Variants in DPP6 observed in about 807,000 individuals in gnomAD.
The protein encoded by DPP6 is dipeptidyl peptidase like 6.
Under a neutral mutation model 122.6 loss-of-function variants are expected in DPP6, and 69 were observed. The ratio of observed to expected loss-of-function variants is 0.56; its 90% CI spans 0.46 to 0.69. DPP6 has a LOEUF of 0.69. Among genes scored for constraint, DPP6 ranks in the 30% least tolerant of loss-of-function variants. The pLI is 0.00. For missense variants in DPP6, 928 were observed against 1,116.9 expected (o/e 0.83, Z 2.41); for synonymous variants, 418 against 433.1 (o/e 0.97, Z 0.43).
At chr7:153,802,514 T>G in the DPP6 span, among the ~76,000 whole-genome samples, 1 of 152,086 alleles carries the variant, frequency 6.6e-6, no homozygotes, top group South Asian at 2.1e-4. Flanking sequence ...ATTGGCTGAT[T>G]TCTGAAATGA....
intron 8 of DPP6, among the ~76,000 whole-genome samples, chr7:154,763,692 A>G (rs181881532): frequency 1.4e-4 from 22 of 152,072 alleles, no homozygotes; most frequent in African/African-American, 5.1e-4. Flanking sequence ...TGTGAGAAGA[A>G]CTCTTAGAGA....
intron 8 of DPP6, among the ~76,000 whole-genome samples, chr7:154,765,503 A>G (rs1416841088): frequency 6.6e-6 from 1 of 152,228 alleles, no homozygotes; most frequent in Non-Finnish European, 1.5e-5. Context: ...TACCTTGAGC[A>G]CAAAGGGATT....
At chr7:154,261,050 C>T (rs2150914193) in intron 1 of DPP6, among the ~76,000 whole-genome samples, 1 of 152,146 alleles carries the variant, frequency 6.6e-6, no homozygotes, top group Non-Finnish European at 1.5e-5. Context: ...CACATGCCAC[C>T]ACGCCTGGGT....
At chr7:154,166,004 T>C (rs1707762369) in intron 1 of DPP6, among the ~76,000 whole-genome samples, 2 of 152,234 alleles carry the variant, frequency 1.3e-5, no homozygotes, top group African/African-American at 4.8e-5. Flanking sequence ...CTCCTGCCTT[T>C]TTTTGGTCAA....
At chr7:154,570,471 G>C (rs186844232) in intron 5 of DPP6, among the ~76,000 whole-genome samples, 1 of 151,804 alleles carries the variant, frequency 6.6e-6, no homozygotes, top group African/African-American at 2.4e-5. Context: ...GGTGATCTGC[G>C]TACATTTAGT....
At chr7:153,815,003 T>C in the DPP6 span, among the ~76,000 whole-genome samples, 5 of 152,198 alleles carry the variant, frequency 3.3e-5, no homozygotes, top group Non-Finnish European at 7.3e-5. Context: ...GCCAGTATCA[T>C]ACTGAATGGA....
chr7:153,773,275 G>GTGTGTGTGTGTGTGTGTC, the DPP6 span, among the ~76,000 whole-genome samples: 2 of 144,756 alleles, frequency 1.4e-5, no homozygotes, highest in Admixed American at 6.9e-5. Context: ...GTGTGTGTGT[G>GTGTGTGTGTGTGTGTGTC]TGTGTGTGTG....
chr7:154,588,308 T>C, intron 5 of DPP6: 1 of 690,912 alleles, frequency 1.4e-6, no homozygotes, highest in East Asian at 2.9e-5. Context: ...CTGATAATCA[T>C]GGGAAGGAGA....
At chr7:154,564,072 G>A (rs1830591697) in intron 4 of DPP6, among the ~76,000 whole-genome samples, 1 of 152,190 alleles carries the variant, frequency 6.6e-6, no homozygotes, top group Admixed American at 6.5e-5. Flanking sequence ...CAGGTGATGA[G>A]TGTCCGGGAA....
chr7:154,667,522 G>A (rs1216093910), intron 6 of DPP6, among the ~76,000 whole-genome samples: 5 of 152,294 alleles, frequency 3.3e-5, no homozygotes, highest in African/African-American at 1.2e-4. Context: ...GAGGTCAGGA[G>A]TTCCAGCCTG....
At chr7:154,262,919 G>A (rs1348008676) in intron 1 of DPP6, among the ~76,000 whole-genome samples, 3 of 152,274 alleles carry the variant, frequency 2.0e-5, no homozygotes, top group Non-Finnish European at 2.9e-5. Flanking sequence ...GTCTATGCAC[G>A]TTTCCGATTT....
At chr7:154,445,621 A>T (rs78541697) in intron 1 of DPP6, among the ~76,000 whole-genome samples, 2,259 of 152,304 alleles carry the variant, frequency 0.015, 65 homozygotes, top group African/African-American at 0.052. Flanking sequence ...GTGAAGAGAG[A>T]CCAGGAAAAT....
At chr7:154,152,154 G>C (rs1248801315) in intron 1 of DPP6, among the ~76,000 whole-genome samples, 2 of 151,594 alleles carry the variant, frequency 1.3e-5, no homozygotes, top group Non-Finnish European at 2.9e-5. Flanking sequence ...TGAGATAAAG[G>C]GGTTGCTGGA....
chr7:153,787,823 G>C, the DPP6 span, among the ~76,000 whole-genome samples: 2 of 124,238 alleles, frequency 1.6e-5, no homozygotes, highest in Admixed American at 1.0e-4. Flanking sequence ...GATTTTAATA[G>C]TGATTTACAA....
the DPP6 span, among the ~76,000 whole-genome samples, chr7:153,844,508 G>A: frequency 6.6e-6 from 1 of 152,176 alleles, no homozygotes; most frequent in Admixed American, 6.5e-5. Context: ...GAACCATTCT[G>A]TTCTAATCAA....
chr7:154,831,838 C>T (rs998305573), intron 16 of DPP6, among the ~76,000 whole-genome samples: 1 of 152,202 alleles, frequency 6.6e-6, no homozygotes, highest in Non-Finnish European at 1.5e-5. Context: ...GAAAGTTCCT[C>T]TCTTGTCCTG....
At chr7:153,937,983 G>A (rs1252820916) in intron 1 of DPP6, among the ~76,000 whole-genome samples, 5 of 152,160 alleles carry the variant, frequency 3.3e-5, no homozygotes, top group Admixed American at 6.5e-5. Flanking sequence ...ATATATGACA[G>A]GTGCTACGAG....
At position 154,879,557 on chromosome 7, in the gene DPP6, C is replaced by CTCCA. The variant is rs1314773059; in HGVS notation, c.2079-1330_2079-1327dup. Among the ~76,000 whole-genome samples, 25 of 89,484 alleles carry CTCCA rather than the reference C, an allele frequency of 2.8e-4. 3 individuals are homozygous for CTCCA. The highest frequency in any genetic ancestry group is 3.7e-4 in the Non-Finnish European group (19 of 50,742). 58.7% of individuals were successfully genotyped at this position (89,484 alleles called of 152,430 possible). A position where few individuals can be genotyped will look rare whatever the true frequency, so the allele number is the denominator to read the frequency against. ...AGTGAGCCGAGATTGTGCCACTGCACTCCAGCCTGGGCGACAGCGAGACTC... is the reference window on the plus strand; with the variant it reads ...AGTGAGCCGAGATTGTGCCACTGCACTCCATCCAGCCTGGGCGACAGCGAGACTC... On this transcript the variant is annotated intron_variant, in intron 20 of 25. Coordinates refer to ENST00000377770, the MANE Select transcript of DPP6 (RefSeq NM_130797.4).
chr7:154,254,783 G>A (rs913977522), intron 1 of DPP6, among the ~76,000 whole-genome samples: 2 of 152,072 alleles, frequency 1.3e-5, no homozygotes, highest in African/African-American at 4.8e-5. Context: ...ATGAGAGAAG[G>A]AACATACATG....
Sources: allele counts gnomAD v4.1 joint callset (sites outside exome capture counted in the v4.1 genomes callset), GRCh38; gene constraint gnomAD v4.1.1; transcripts MANE v1.5; gene names NCBI Gene and HGNC (gene_info 2026-07-23, HGNC 2026-07-21).